The following IGF2BP1 variants were observed in gnomAD, a reference collection of about 807,000 sequenced individuals.
The protein encoded by IGF2BP1 is insulin-like growth factor 2 mRNA-binding protein 1.
In IGF2BP1, 11 loss-of-function variants were observed where a neutral mutation model predicts 74.9. That is an observed-to-expected ratio of 0.15 (90% CI 0.09 to 0.24). The LOEUF (loss-of-function observed/expected upper bound fraction) is 0.24. IGF2BP1 is among the 10% of genes least tolerant of loss of function. The pLI is 1.00. For synonymous variants in IGF2BP1, 287 were observed against 281.8 expected (o/e 1.02, Z -0.18); for missense variants, 440 against 757.4 (o/e 0.58, Z 4.92).
chr17:48,997,900 A>G lies in IGF2BP1; in HGVS notation c.155A>G (p.Lys52Arg), dbSNP rs200362453. 2 of 1,613,812 alleles carry G rather than the reference A, an allele frequency of 1.2e-6. No individual in the cohort carries two copies. Among genetic ancestry groups the G allele is most frequent in the Non-Finnish European group, 1.7e-6 (2 of 1,179,892 alleles). The change falls in exon 1 of 15, where the codon AAG (lysine) becomes AGG (arginine). Residue 52 changes from lysine to arginine, a missense_variant. By Grantham distance (26) the Lys-to-Arg change is conservative (BLOSUM62 2). Coordinates refer to ENST00000290341, the MANE Select transcript of IGF2BP1 (RefSeq NM_006546.4). This position sits in a 1 kb window ranked among gnomAD's most constrained non-coding sequence, Gnocchi z 4.8. ...VDCPDEHWAM[K>R]AIETFSGKVE... Reference sequence around the variant, plus strand: ...TGCCCGGACGAGCACTGGGCGATGAAGGCCATCGAAACTTTCTCCGGTAAG... The same window carrying G: ...TGCCCGGACGAGCACTGGGCGATGAGGGCCATCGAAACTTTCTCCGGTAAG...
In IGF2BP1 at chr17:49,055,499, T is replaced by C. The variant is rs974119442; in HGVS notation, c.*6055T>C. On this transcript the variant is annotated 3_prime_UTR_variant, in exon 15 of 15. Transcript: ENST00000290341. The stretch of plus-strand genomic sequence containing the variant: ...CTTTGTTTTGGGGATGCTTAAATCT[T>C]GACTGGCACTTCCCGGCTGTGGGGG... 2.5e-6 allele frequency: 1 copy of C among 394,244 alleles called. No individual in the cohort carries two copies. The highest frequency in any genetic ancestry group is 2.1e-5 in the African/African-American group (1 of 48,540). The allele number at this position is 394,244 out of a possible 1,614,324, so 24.4% of individuals were successfully genotyped here.
At chr17:49,041,335 T>C in intron 7 of IGF2BP1, 43 bp from the exon 8 acceptor site, 1 of 1,609,534 alleles carries the variant, frequency 6.2e-7, no homozygotes, top group Non-Finnish European at 8.5e-7. Flanking sequence ...AGCCCACAAT[T>C]GAAGGAACTC....
intron 2 of IGF2BP1, among the ~76,000 whole-genome samples, chr17:49,002,006 T>C (rs750808168): frequency 6.6e-6 from 1 of 152,100 alleles, no homozygotes; most frequent in Non-Finnish European, 1.5e-5. Context: ...GTCATCAAAA[T>C]AAAAGGTGTT....
chr17:49,026,607 T>C, intron 4 of IGF2BP1, 90 bp downstream of exon 4: 3 of 1,173,784 alleles, frequency 2.6e-6, no homozygotes, highest in Non-Finnish European at 3.8e-6. Context: ...TTCTTTCTTT[T>C]TCTCCCTTCC....
chr17:49,040,605 A>G (rs989310676), intron 7 of IGF2BP1, among the ~76,000 whole-genome samples: 8 of 152,178 alleles, frequency 5.3e-5, no homozygotes, highest in African/African-American at 1.9e-4. Flanking sequence ...ATGTACGGAT[A>G]TGTGTGCCTG....
chr17:49,010,923 TAAG>T (rs1449961388), intron 2 of IGF2BP1, among the ~76,000 whole-genome samples: 1 of 151,228 alleles, frequency 6.6e-6, no homozygotes, highest in East Asian at 2.0e-4. Context: ...AGGAATGGGT[TAAG>T]AAGAGCCTCG....
At chr17:49,015,517 A>G (rs995626563) in intron 2 of IGF2BP1, among the ~76,000 whole-genome samples, 1 of 152,172 alleles carries the variant, frequency 6.6e-6, no homozygotes, top group Non-Finnish European at 1.5e-5. Flanking sequence ...CCCATCTCAG[A>G]TTGCAGGAGG....
intron 5 of IGF2BP1, 71 bp downstream of exon 5, chr17:49,032,044 C>A: frequency 7.3e-7 from 1 of 1,372,170 alleles, no homozygotes. Context: ...GAGCCTGGTC[C>A]CACTTTTTCC....
Position 49,038,326 on chromosome 17 carries a change from C to A in IGF2BP1, c.560C>A (p.Ala187Asp). Residue 187 changes from alanine to aspartate, a missense_variant, in exon 6 of 15, where the codon GCC (alanine) becomes GAC (aspartate). Coordinates refer to ENST00000290341, the MANE Select transcript of IGF2BP1 (RefSeq NM_006546.4). ...CAGGGCTCACCTGTGGCAGCGGGGG[C>A]CCCAGCCAAGCAGCAGCAAGTGGAC... The part of the protein sequence containing the change: ...PRQGSPVAAG[A>D]PAKQQQVDIP... The A allele has an allele frequency of 6.2e-7, 1 of 1,605,574 alleles. No homozygotes were observed. Among genetic ancestry groups the A allele is most frequent in the Non-Finnish European group, 8.5e-7 (1 of 1,176,248 alleles).
In IGF2BP1 at chr17:49,041,100, G is replaced by A. The variant is rs117259921; in HGVS notation, c.819-278G>A. Among the ~76,000 whole-genome samples the A allele has an allele frequency of 2.4e-4, 36 of 152,308 alleles. 1 individual carries two copies. In the East Asian group the frequency reaches 5.2e-3, roughly 22 times the overall value. On this transcript the variant is annotated intron_variant, in intron 7 of 14. Transcript: ENST00000290341. ...AGGCTGAGAAGGGAGGATCGCATGA[G>A]CCCAGGAGGTCAAGGCTGTGGTGAG...
intron 1 of IGF2BP1, among the ~76,000 whole-genome samples, 161 bp downstream of exon 1, chr17:48,998,081 C>A (rs2041430874): frequency 6.6e-6 from 1 of 152,036 alleles, no homozygotes. Flanking sequence ...CCCCCTCCCT[C>A]GCTCTGCGCC....
rs148934109 is a variant in IGF2BP1 at position 49,046,221 on chromosome 17, T to C, written c.1528-39T>C. ...CCTCCCTCCAACCCCACCCATGCTTTCTTGATGGCACCCTGAGCTCCTCTC... is the reference window on the plus strand; with the variant it reads ...CCTCCCTCCAACCCCACCCATGCTTCCTTGATGGCACCCTGAGCTCCTCTC... On this transcript the variant is annotated intron_variant, in intron 13 of 14. Transcript: ENST00000290341. 2.9e-4 allele frequency: 455 copies of C among 1,575,550 alleles called. 2 individuals carry two copies. The Middle Eastern group carries it at 8.1e-3, about 28-fold the overall frequency.
chr17:49,038,273 G>T lies in IGF2BP1; in HGVS notation c.507G>T (p.Gly169=), dbSNP rs267604935. 3 of 1,601,088 alleles carry T rather than the reference G, an allele frequency of 1.9e-6. No homozygotes were observed. The African/African-American group carries it at 4.0e-5, about 21-fold the overall frequency. Residue 169 remains glycine, a synonymous_variant, in exon 6 of 15, where the codon GGG becomes GGT. Coordinates refer to ENST00000290341, the MANE Select transcript of IGF2BP1 (RefSeq NM_006546.4). ...IAQGPENGRR[G]GFGSRGQPRQ... ...AGGGACCTGAGAATGGGCGCCGAGG[G>T]GGCTTTGGCTCTCGGGGTCAGCCCC...
chr17:49,010,089 A>G (rs1212288233), intron 2 of IGF2BP1, among the ~76,000 whole-genome samples: 1 of 152,168 alleles, frequency 6.6e-6, no homozygotes, highest in Non-Finnish European at 1.5e-5. Flanking sequence ...TTCAAACAAA[A>G]CAAAACACAA....
In IGF2BP1 at chr17:49,019,926, A is replaced by G. The variant is rs867545080; in HGVS notation, c.237-5692A>G. 5.7e-3 allele frequency among the ~76,000 whole-genome samples: 354 copies of G among 62,136 alleles called. 10 individuals are homozygous for G. The highest frequency in any genetic ancestry group is 0.028 in the African/African-American group (343 of 12,132). The allele number at this position is 62,136 out of a possible 152,430, so 40.8% of individuals were successfully genotyped here. ...AATTTATATATATATATATATATATATATATATATATATATATATATATTT... is the reference window on the plus strand; with the variant it reads ...AATTTATATATATATATATATATATGTATATATATATATATATATATATTT... On this transcript the variant is annotated intron_variant, in intron 2 of 14. Coordinates refer to ENST00000290341, the MANE Select transcript of IGF2BP1 (RefSeq NM_006546.4).
At position 49,054,140 on chromosome 17, in the gene IGF2BP1, T is replaced by A. The variant is rs1310921652; in HGVS notation, c.*4696T>A. ...GGTACGGGACAGGGAGGAGGCCTCA[T>A]GTCTGAAGGGGGATTTAGGGGCGAG... is the stretch of plus-strand genomic sequence containing the variant. On this transcript the variant is annotated 3_prime_UTR_variant, in exon 15 of 15. Coordinates refer to ENST00000290341, the MANE Select transcript of IGF2BP1 (RefSeq NM_006546.4). 1.1e-4 allele frequency: 17 copies of A among 152,646 alleles called. No individual in the cohort carries two copies. Among genetic ancestry groups the A allele is most frequent in the Admixed American group, 1.1e-3 (17 of 15,288 alleles). The allele number at this position is 152,646 out of a possible 1,614,324, so 9.5% of individuals were successfully genotyped here. A position where few individuals can be genotyped will look rare whatever the true frequency, so the allele number is the denominator to read the frequency against.
intron 4 of IGF2BP1, among the ~76,000 whole-genome samples, chr17:49,031,163 G>A (rs998527493): frequency 2.6e-5 from 4 of 152,008 alleles, no homozygotes; most frequent in South Asian, 2.1e-4. Flanking sequence ...CTATCACCCC[G>A]GCTGGAGTGC....
chr17:49,007,875 C>A (rs2041569267), intron 2 of IGF2BP1, among the ~76,000 whole-genome samples: 1 of 152,114 alleles, frequency 6.6e-6, no homozygotes, highest in Non-Finnish European at 1.5e-5. Context: ...AGATGAAGTT[C>A]TAAATTAAAG....
Position 49,050,646 on chromosome 17 carries a change from T to C in IGF2BP1, c.*1202T>C, listed in dbSNP as rs2042156858. 6.6e-6 allele frequency: 1 copy of C among 152,236 alleles called. No individual in the cohort carries two copies. The highest frequency in any genetic ancestry group is 2.4e-5 in the African/African-American group (1 of 41,452). The allele number at this position is 152,236 out of a possible 1,614,324, so 9.4% of individuals were successfully genotyped here. A position where few individuals can be genotyped will look rare whatever the true frequency, so the allele number is the denominator to read the frequency against. On this transcript the variant is annotated 3_prime_UTR_variant, in exon 15 of 15. Coordinates refer to ENST00000290341, the MANE Select transcript of IGF2BP1 (RefSeq NM_006546.4). ...GAGAGTACTTGCTTCTGTTTGTATC[T>C]GAGAGGAATTTTTAACTGACGGCTT...
Sources: gnomAD v4.1 joint callset for allele counts (sites outside exome capture counted in the v4.1 genomes callset) on GRCh38, gnomAD v4.1.1 for gene constraint, Gnocchi (gnomAD v3.1) non-coding constraint, MANE v1.5 for transcripts, NCBI Gene and HGNC (gene_info 2026-07-23, HGNC 2026-07-21) for gene names.